SH3RF2: variants seen among roughly 807,000 people sequenced by gnomAD.
The protein encoded by SH3RF2 is SH3 domain containing ring finger 2, also known as E3 ubiquitin-protein ligase SH3RF2.
A neutral mutation model predicts 59.0 loss-of-function variants in SH3RF2; 43 were observed. The ratio of observed to expected loss-of-function variants is 0.73; its 90% CI spans 0.57 to 0.94. SH3RF2 has a LOEUF of 0.94. SH3RF2 is among the 40% of genes least tolerant of loss of function. SH3RF2 has a pLI of 0.00. For synonymous variants in SH3RF2, 391 were observed against 391.5 expected (o/e 1.00, Z 0.01); for missense variants, 930 against 940.1 (o/e 0.99, Z 0.14).
chr5:145,968,676 A>G (rs1364831007), intron 2 of SH3RF2, among the ~76,000 whole-genome samples: 1 of 152,252 alleles, frequency 6.6e-6, no homozygotes, highest in Non-Finnish European at 1.5e-5. Flanking sequence ...CATGTAATCA[A>G]TACAAAAACT....
intron 2 of SH3RF2, among the ~76,000 whole-genome samples, chr5:145,996,135 T>C (rs1468374349): frequency 1.3e-5 from 2 of 152,192 alleles, no homozygotes; most frequent in African/African-American, 4.8e-5. Context: ...AGCAAAGTAA[T>C]GTTGGGTCTT....
intron 2 of SH3RF2, among the ~76,000 whole-genome samples, chr5:145,982,343 T>C (rs929342123): frequency 8.5e-5 from 13 of 152,208 alleles, no homozygotes; most frequent in African/African-American, 2.9e-4. Context: ...TTGGCATGCA[T>C]GTAATGAGCA....
intron 4 of SH3RF2, among the ~76,000 whole-genome samples, chr5:146,007,618 A>G (rs1285485902): frequency 6.6e-6 from 1 of 152,186 alleles, no homozygotes. Flanking sequence ...GGAAGGCACC[A>G]GTCATCTTAT....
chr5:146,027,593 A>C (rs2150001573), intron 5 of SH3RF2, among the ~76,000 whole-genome samples: 1 of 152,378 alleles, frequency 6.6e-6, no homozygotes, highest in East Asian at 1.9e-4. Context: ...CAAGGTATTA[A>C]GCGTGCAAAG....
intron 2 of SH3RF2, among the ~76,000 whole-genome samples, chr5:145,960,688 T>C (rs1037907244): frequency 5.9e-5 from 9 of 152,226 alleles, no homozygotes; most frequent in Admixed American, 5.9e-4. Flanking sequence ...GTCTAATTTC[T>C]TTCTGTGGTG....
At chr5:146,011,836 T>C (rs927879199) in intron 4 of SH3RF2, among the ~76,000 whole-genome samples, 1 of 152,168 alleles carries the variant, frequency 6.6e-6, no homozygotes, top group African/African-American at 2.4e-5. Context: ...AGAGGGACAA[T>C]TTGACTTCCT....
chr5:146,056,513 T>C (rs763057050), intron 8 of SH3RF2, among the ~76,000 whole-genome samples: 8 of 152,140 alleles, frequency 5.3e-5, no homozygotes, highest in Non-Finnish European at 1.0e-4. Context: ...GACACAGTGA[T>C]GAAAGCATTT....
chr5:145,978,468 T>A (rs1024511154), intron 2 of SH3RF2, among the ~76,000 whole-genome samples: 4 of 152,226 alleles, frequency 2.6e-5, no homozygotes, highest in African/African-American at 9.6e-5. Flanking sequence ...TCCTGCTTCG[T>A]CTACTCTTCA....
Position 146,062,579 on chromosome 5 carries a change from G to A in SH3RF2, c.2068G>A (p.Ala690Thr). ...SLGPEMTVLF[A>T]HRSGCHSGQQ... ...GGGCCCAGAGATGACCGTCCTATTTGCCCACCGAAGTGGCTGCCACTCCGG... is the reference window on the plus strand; with the variant it reads ...GGGCCCAGAGATGACCGTCCTATTTACCCACCGAAGTGGCTGCCACTCCGG... Residue 690 changes from alanine (A) to threonine (T), a missense_variant, in exon 10 of 10, where the codon GCC (alanine) becomes ACC (threonine). By Grantham distance (58) the Ala-to-Thr change is moderately conservative. Transcript: ENST00000359120. 1.2e-6 allele frequency: 2 copies of A among 1,614,160 alleles called. No individual in the cohort carries two copies. The highest frequency in any genetic ancestry group is 1.1e-5 in the South Asian group (1 of 91,078).
chr5:146,075,901 T>C (rs987954078), intron 9 of SH3RF2, among the ~76,000 whole-genome samples: 4 of 151,652 alleles, frequency 2.6e-5, no homozygotes, highest in African/African-American at 9.7e-5. Context: ...GAGTGCTCAG[T>C]AAACAAAGAA....
intron 5 of SH3RF2, among the ~76,000 whole-genome samples, chr5:146,046,249 G>A (rs1192726712): frequency 6.6e-6 from 1 of 152,092 alleles, no homozygotes; most frequent in Non-Finnish European, 1.5e-5. Context: ...CCACATGTGT[G>A]AACAAAACAA....
chr5:146,062,224 C>G (rs1278924659), intron 9 of SH3RF2, among the ~76,000 whole-genome samples: 1 of 152,162 alleles, frequency 6.6e-6, no homozygotes, highest in African/African-American at 2.4e-5. Context: ...ACTTCCCTGG[C>G]TTCTCCACTT....
intron 2 of SH3RF2, among the ~76,000 whole-genome samples, chr5:145,949,284 C>T (rs1415906318): frequency 6.6e-6 from 1 of 152,148 alleles, no homozygotes; most frequent in Non-Finnish European, 1.5e-5. Context: ...GAGCAGGTCA[C>T]CCTGGTTTTT....
At chr5:146,043,995 T>C (rs1402938755) in intron 5 of SH3RF2, 1 of 152,242 alleles carries the variant, frequency 6.6e-6, no homozygotes, top group African/African-American at 2.4e-5. Context: ...CTGAGTAGTA[T>C]GAAAAGTGTA....
intron 4 of SH3RF2, among the ~76,000 whole-genome samples, chr5:146,004,892 TA>T (rs1294737828): frequency 6.6e-6 from 1 of 152,086 alleles, no homozygotes; most frequent in African/African-American, 2.4e-5. Context: ...ACTGTACACT[TA>T]AAAGTGGTTC....
In SH3RF2 at chr5:146,049,246, G is replaced by A; in HGVS notation, c.1322+1G>A. The A allele has an allele frequency of 6.2e-7, 1 of 1,602,124 alleles. No homozygotes were observed. The highest frequency in any genetic ancestry group is 8.5e-7 in the Non-Finnish European group (1 of 1,173,166). On this transcript the variant is annotated splice_donor_variant, in intron 7 of 9. Coordinates refer to ENST00000359120, the MANE Select transcript of SH3RF2 (RefSeq NM_152550.4). LOFTEE classifies it high-confidence loss of function. ...ACAATTACGTCATCCCCATTTTCAG[G>A]TGTGTCGCCTCCAATCCCAGACTTT...
intron 2 of SH3RF2, among the ~76,000 whole-genome samples, chr5:145,972,493 C>T (rs1251170923): frequency 1.3e-5 from 2 of 152,296 alleles, no homozygotes; most frequent in African/African-American, 4.8e-5. Context: ...CTTGCCCACT[C>T]GTAGTACTTG....
At chr5:145,980,799 A>C (rs1561721750) in intron 2 of SH3RF2, among the ~76,000 whole-genome samples, 1 of 152,180 alleles carries the variant, frequency 6.6e-6, no homozygotes, top group East Asian at 1.9e-4. Flanking sequence ...AGTATTTCTA[A>C]ATATAAAAAT....
At chr5:145,982,799 G>A (rs1759553014) in intron 2 of SH3RF2, among the ~76,000 whole-genome samples, 1 of 152,160 alleles carries the variant, frequency 6.6e-6, no homozygotes, top group Non-Finnish European at 1.5e-5. Context: ...ATGGAAACCT[G>A]ACCCTGACAT....
Sources: gnomAD v4.1 joint callset for allele counts (sites outside exome capture counted in the v4.1 genomes callset) on GRCh38, gnomAD v4.1.1 for gene constraint, MANE v1.5 for transcripts, NCBI Gene and HGNC (gene_info 2026-07-23, HGNC 2026-07-21) for gene names.